The following TRIM71 variants were observed in gnomAD, a reference collection of about 807,000 sequenced individuals.
The protein encoded by TRIM71 is tripartite motif containing 71, also known as E3 ubiquitin-protein ligase TRIM71.
In TRIM71, 9 loss-of-function variants were observed where a neutral mutation model predicts 61.2. The observed-to-expected ratio is 0.15, with a 90% CI of 0.09 to 0.26. The LOEUF is 0.26. TRIM71 is among the 10% of genes least tolerant of loss of function. The pLI is 1.00. For missense variants in TRIM71, 998 were observed against 1,238.7 expected, an observed-to-expected ratio of 0.81 and a Z score of 2.92; for synonymous variants, 645 against 553.2, an observed-to-expected ratio of 1.17 and a Z score of -2.33.
At chr3:32,824,014 G>T (rs374622585) in intron 1 of TRIM71, among the ~76,000 whole-genome samples, 1 of 151,896 alleles carries the variant, frequency 6.6e-6, no homozygotes, top group Non-Finnish European at 1.5e-5. Flanking sequence ...GGCGGAGGCC[G>T]CAGTGATCCG....
chr3:32,856,211 G>A (rs1234905930), intron 1 of TRIM71, among the ~76,000 whole-genome samples: 2 of 152,048 alleles, frequency 1.3e-5, no homozygotes, highest in African/African-American at 4.8e-5. Flanking sequence ...TGGAGACGGG[G>A]TTTCACCATG....
chr3:32,891,357 A>G lies in TRIM71; in HGVS notation c.2153A>G (p.Asp718Gly), dbSNP rs1348349713. The G allele has an allele frequency of 6.2e-7, 1 of 1,613,974 alleles. No individual in the cohort carries two copies. Among genetic ancestry groups the G allele is most frequent in the Non-Finnish European group, 8.5e-7 (1 of 1,180,008 alleles). ...VNSEGKILVSDTRNHRIQLFG... is the reference protein window; with the variant it reads ...VNSEGKILVSGTRNHRIQLFG... ...TCTGAGGGCAAGATCCTGGTCTCAG[A>G]CACGAGGAACCACCGGATCCAGCTG... Residue 718 changes from aspartate (D) to glycine (G), a missense_variant, in exon 4 of 4, where the codon GAC becomes GGC. Transcript: ENST00000383763. This position sits in a 1 kb window ranked among gnomAD's most constrained non-coding sequence, Gnocchi z 8.2.
intron 2 of TRIM71, among the ~76,000 whole-genome samples, chr3:32,883,598 A>G (rs1422032125): frequency 2.0e-5 from 3 of 152,232 alleles, no homozygotes; most frequent in Non-Finnish European, 4.4e-5. Flanking sequence ...CTATAACCTC[A>G]TCTTAGCTAA....
rs1173217884 is a variant in TRIM71, at chr3:32,892,804, A to G, written c.*993A>G. On this transcript the variant is annotated 3_prime_UTR_variant, in exon 4 of 4. Transcript: ENST00000383763. ...GAAAAAGGAAATTAACCTCGTTCTCAGAGAGAGGGTTTTCAGGCATGGGCT... is the reference window on the plus strand; with the variant it reads ...GAAAAAGGAAATTAACCTCGTTCTCGGAGAGAGGGTTTTCAGGCATGGGCT... The G allele has an allele frequency of 6.6e-6, 1 of 152,212 alleles. No individual in the cohort carries two copies. Among genetic ancestry groups the G allele is most frequent in the Non-Finnish European group, 1.5e-5 (1 of 68,044 alleles). The allele number at this position is 152,212 out of a possible 1,614,324, so 9.4% of individuals were successfully genotyped here.
At chr3:32,872,122 C>T (rs57387773) in intron 1 of TRIM71, among the ~76,000 whole-genome samples, 7,127 of 152,184 alleles carry the variant, frequency 0.047, 397 homozygotes, top group East Asian at 0.23. Context: ...TGCACTCCAG[C>T]CTGGGTGACA....
chr3:32,844,330 C>T (rs1485526038), intron 1 of TRIM71, among the ~76,000 whole-genome samples: 1 of 152,208 alleles, frequency 6.6e-6, no homozygotes, highest in Non-Finnish European at 1.5e-5. Flanking sequence ...TAGGTCACAA[C>T]AGAGTTCTCA....
rs917006238 is a variant in TRIM71 at position 32,894,037 on chromosome 3, A to T, written c.*2226A>T. On this transcript the variant is annotated 3_prime_UTR_variant, in exon 4 of 4. Coordinates refer to ENST00000383763, the MANE Select transcript of TRIM71 (RefSeq NM_001039111.3). ...GAATTTAATAGTGAATCCTTCCCCA[A>T]TGCCTATTCAGTTGCCTTTTGGCCG... 2 of 152,206 alleles carry T rather than the reference A, an allele frequency of 1.3e-5. No homozygotes were observed. Among genetic ancestry groups the T allele is most frequent in the African/African-American group, 4.8e-5 (2 of 41,448 alleles). 9.4% of individuals were successfully genotyped at this position (152,206 alleles called of 1,614,324 possible).
intron 2 of TRIM71, among the ~76,000 whole-genome samples, chr3:32,881,305 C>T (rs1273750359): frequency 6.6e-6 from 1 of 152,168 alleles, no homozygotes; most frequent in Non-Finnish European, 1.5e-5. Context: ...AGGCATGAGC[C>T]ACTGCGCCTG....
In TRIM71 at chr3:32,818,642, C is replaced by T. The variant is rs1696090450; in HGVS notation, c.562C>T (p.Pro188Ser). The T allele has an allele frequency of 5.4e-6, 8 of 1,467,902 alleles. No homozygotes were observed. Among genetic ancestry groups the T allele is most frequent in the South Asian group, 5.2e-5 (4 of 76,470 alleles). 90.9% of individuals were successfully genotyped at this position (1,467,902 alleles called of 1,614,324 possible). ...RSAPGGPAAS[P>S]SALLLRRPHG... ...GGCACCCGGCGGCCCTGCCGCTTCC[C>T]CGTCGGCGCTGCTGCTCCGCCGTCC... is the stretch of plus-strand genomic sequence containing the variant. The change falls in exon 1 of 4, where the codon CCG (proline) becomes TCG (serine). Residue 188 changes from proline to serine, a missense_variant. This residue lies in a region of TRIM71 where 527 missense variants were observed against 427.8 expected (regional missense o/e 1.23). Coordinates refer to ENST00000383763, the MANE Select transcript of TRIM71 (RefSeq NM_001039111.3).
chr3:32,849,988 TTCAAAGCA>T (rs1201442879), intron 1 of TRIM71, among the ~76,000 whole-genome samples: 1 of 152,200 alleles, frequency 6.6e-6, no homozygotes, highest in Non-Finnish European at 1.5e-5. Context: ...TTCAGTGTCT[TTCAAAGCA>T]AGATAGTCAT....
intron 1 of TRIM71, among the ~76,000 whole-genome samples, chr3:32,872,504 G>T (rs1238668324): frequency 6.6e-6 from 1 of 152,096 alleles, no homozygotes; most frequent in African/African-American, 2.4e-5. Context: ...GGAGCTCTCC[G>T]CCTAAGAAAA....
intron 1 of TRIM71, among the ~76,000 whole-genome samples, chr3:32,831,629 C>T (rs532802961): frequency 6.7e-5 from 10 of 149,210 alleles, no homozygotes; most frequent in Non-Finnish European, 1.2e-4. Context: ...ACCTCCGACT[C>T]GGGTTCAAGT....
At chr3:32,829,930 T>C (rs1696250759) in intron 1 of TRIM71, among the ~76,000 whole-genome samples, 1 of 145,636 alleles carries the variant, frequency 6.9e-6, no homozygotes, top group Admixed American at 6.8e-5. Flanking sequence ...GAATTTTTTT[T>C]TTTTTTTTTT....
chr3:32,827,371 C>T (rs905177362), intron 1 of TRIM71, among the ~76,000 whole-genome samples: 10 of 149,158 alleles, frequency 6.7e-5, no homozygotes, highest in African/African-American at 2.5e-4. Flanking sequence ...TCAAGCGATT[C>T]TCCTGCCTCG....
intron 1 of TRIM71, among the ~76,000 whole-genome samples, chr3:32,821,959 G>C (rs923464053): frequency 2.0e-5 from 3 of 152,078 alleles, no homozygotes; most frequent in Non-Finnish European, 2.9e-5. Flanking sequence ...CTTGAGTTTT[G>C]GGGGAAGAGT....
chr3:32,827,855 A>G (rs1696222147), intron 1 of TRIM71, among the ~76,000 whole-genome samples: 2 of 152,114 alleles, frequency 1.3e-5, no homozygotes, highest in Non-Finnish European at 2.9e-5. Context: ...TTACTTCTGG[A>G]AAGTTTGGCC....
At chr3:32,845,995 G>A (rs955145615) in intron 1 of TRIM71, among the ~76,000 whole-genome samples, 4 of 140,468 alleles carry the variant, frequency 2.8e-5, no homozygotes, top group South Asian at 2.4e-4. Context: ...TTTAAAAAAC[G>A]GAGTTGGAGA....
chr3:32,891,819 T>A lies in TRIM71; in HGVS notation c.*8T>A, dbSNP rs1468650243. On this transcript the variant is annotated 3_prime_UTR_variant, in exon 4 of 4. Transcript: ENST00000383763. This position sits in a 1 kb window ranked among gnomAD's most constrained non-coding sequence, Gnocchi z 8.2. ...CGAATCCTCGTCTTCTAATTGCATT[T>A]CCTAGGTTTCTGTGTTTGGGGTGTG... The A allele has an allele frequency of 6.2e-7, 1 of 1,613,184 alleles. No individual in the cohort carries two copies. Among genetic ancestry groups the A allele is most frequent in the South Asian group, 1.1e-5 (1 of 91,014 alleles).
At position 32,897,050 on chromosome 3, in the gene TRIM71, A is replaced by T. The variant is rs1697087083; in HGVS notation, c.*5239A>T. 7.3e-6 allele frequency: 1 copy of T among 136,550 alleles called. No homozygotes were observed. The highest frequency in any genetic ancestry group is 7.8e-5 in the Admixed American group (1 of 12,896). 8.5% of individuals were successfully genotyped at this position (136,550 alleles called of 1,614,324 possible). Reference sequence around the variant, plus strand: ...GGGTGGGTAAGGGGTGTTGTTTTTTAACTAGCATGTTAGTTATACTTGGGT... The same window carrying T: ...GGGTGGGTAAGGGGTGTTGTTTTTTTACTAGCATGTTAGTTATACTTGGGT... On this transcript the variant is annotated 3_prime_UTR_variant, in exon 4 of 4. Transcript: ENST00000383763.
Sources: gnomAD v4.1 joint callset for allele counts (sites outside exome capture counted in the v4.1 genomes callset) on GRCh38, gnomAD v4.1.1 for gene constraint, gnomAD v4.1.1 regional missense constraint, Gnocchi (gnomAD v3.1) non-coding constraint, MANE v1.5 for transcripts, NCBI Gene and HGNC (gene_info 2026-07-23, HGNC 2026-07-21) for gene names.